RBPJ: variants seen among roughly 807,000 people sequenced by gnomAD.
RBPJ encodes the protein recombination signal binding protein for immunoglobulin kappa J region.
A neutral mutation model predicts 67.8 loss-of-function variants in RBPJ; 9 were observed. The ratio of observed to expected loss-of-function variants is 0.13; its 90% CI spans 0.08 to 0.23. The LOEUF (loss-of-function observed/expected upper bound fraction) is 0.23. RBPJ is among the 10% of genes least tolerant of loss of function. RBPJ has a pLI of 1.00. For missense variants in RBPJ, 305 were observed against 595.6 expected (o/e 0.51, Z 5.08); for synonymous variants, 198 against 203.3 (o/e 0.97, Z 0.22).
chr4:26,130,046 G>A, the RBPJ span, among the ~76,000 whole-genome samples: 1 of 152,006 alleles, frequency 6.6e-6, no homozygotes, highest in East Asian at 1.9e-4. Context: ...GTTTTTAGTA[G>A]AGACAGGGTT....
intron 7 of RBPJ, 46 bp from the exon 8 acceptor site, chr4:26,428,674 C>G: frequency 1.3e-6 from 2 of 1,489,274 alleles, no homozygotes; most frequent in Non-Finnish European, 1.9e-6. Context: ...AAGGAAAATC[C>G]TTTCCATGTG....
the RBPJ span, among the ~76,000 whole-genome samples, chr4:26,142,208 T>C: frequency 9.2e-5 from 14 of 152,340 alleles, no homozygotes; most frequent in African/African-American, 3.4e-4. Flanking sequence ...TTGAATCTTC[T>C]GTTCATCTGG....
Position 26,370,454 on chromosome 4 carries a change from G to A in RBPJ, c.21-15899G>A, listed in dbSNP as rs941319438. On this transcript the variant is annotated intron_variant, in intron 1 of 10. Transcript: ENST00000355476. ...TACTATAGTAAAGAATTGCCTGGGT[G>A]TAATTGCTGGAGATCTGAACATGGT... 4.6e-5 allele frequency among the ~76,000 whole-genome samples: 7 copies of A among 152,144 alleles called. No homozygotes were observed. In the South Asian group the frequency reaches 1.5e-3, roughly 32 times the overall value.
intron 1 of RBPJ, among the ~76,000 whole-genome samples, chr4:26,171,300 TCACTGTAC>T (rs1364920855): frequency 6.6e-6 from 1 of 152,178 alleles, no homozygotes; most frequent in African/African-American, 2.4e-5. Context: ...CATAGACATG[TCACTGTAC>T]AGTATACAAG....
the RBPJ span, among the ~76,000 whole-genome samples, chr4:26,148,110 C>T: frequency 6.6e-6 from 1 of 152,134 alleles, no homozygotes; most frequent in East Asian, 1.9e-4. Context: ...TGGAAGTAGT[C>T]TATAGGACTT....
intron 1 of RBPJ, among the ~76,000 whole-genome samples, chr4:26,384,272 T>G (rs1730593737): frequency 6.6e-6 from 1 of 152,242 alleles, no homozygotes; most frequent in Admixed American, 6.5e-5. Flanking sequence ...AAAGCCATTT[T>G]TCAATATTTT....
intron 1 of RBPJ, among the ~76,000 whole-genome samples, chr4:26,324,401 AGTGTGTGT>A (rs56655194): frequency 3.8e-4 from 57 of 150,080 alleles, no homozygotes; most frequent in African/African-American, 1.3e-3. Context: ...GTCGTGTGTG[AGTGTGTGT>A]GTGTGTGTGT....
At chr4:26,243,689 T>C (rs1719724483) in intron 1 of RBPJ, among the ~76,000 whole-genome samples, 1 of 152,232 alleles carries the variant, frequency 6.6e-6, no homozygotes, top group East Asian at 1.9e-4. Flanking sequence ...TTCATCATTA[T>C]GGTTTCAGAT....
At chr4:26,393,837 C>T (rs1485446311) in intron 2 of RBPJ, among the ~76,000 whole-genome samples, 2 of 150,474 alleles carry the variant, frequency 1.3e-5, no homozygotes, top group Non-Finnish European at 3.0e-5. Flanking sequence ...AGATTTTATT[C>T]CTTAAAAAAA....
exon 1 of RBPJ, chr4:26,163,494 G>C (rs1488698018): frequency 6.6e-6 from 1 of 151,874 alleles, no homozygotes; most frequent in Admixed American, 6.6e-5. Flanking sequence ...GCCAGGCAAA[G>C]TGGCCACCAG....
At chr4:26,362,666 G>C in intron 1 of RBPJ, 1 of 1,534,856 alleles carries the variant, frequency 6.5e-7, no homozygotes, top group Non-Finnish European at 9.0e-7. Flanking sequence ...CCAAGGTCAT[G>C]GATAGAATGA....
intron 1 of RBPJ, among the ~76,000 whole-genome samples, chr4:26,327,740 G>A (rs1335730126): frequency 6.6e-6 from 1 of 152,020 alleles, no homozygotes; most frequent in Non-Finnish European, 1.5e-5. Context: ...AGCACTTTGG[G>A]AGGCTGAGGT....
intron 1 of RBPJ, among the ~76,000 whole-genome samples, chr4:26,210,700 T>TTTCTTTCTTTTTTTCTTTCCTTCTTTCC (rs1348512062): frequency 1.7e-5 from 1 of 59,850 alleles, no homozygotes; most frequent in African/African-American, 6.2e-5. Context: ...TCTTTCTTTC[T>TTTCTTTCTTTTTTTCTTTCCTTCTTTCC]TTCTTTCCTT....
chr4:26,192,405 G>A (rs1345698795), intron 1 of RBPJ, among the ~76,000 whole-genome samples: 3 of 152,106 alleles, frequency 2.0e-5, no homozygotes, highest in Admixed American at 2.0e-4. Context: ...CTAAGTATTT[G>A]TCCTGCACAC....
At chr4:26,244,305 A>G (rs376175477) in intron 1 of RBPJ, among the ~76,000 whole-genome samples, 9 of 5,278 alleles carry the variant, frequency 1.7e-3, no homozygotes, top group South Asian at 5.5e-3. Context: ...ATATGTGTAC[A>G]CATATGTGTG....
At chr4:26,258,580 T>C (rs1720421767) in intron 1 of RBPJ, among the ~76,000 whole-genome samples, 1 of 152,124 alleles carries the variant, frequency 6.6e-6, no homozygotes, top group South Asian at 2.1e-4. Context: ...CTTCAAAAAG[T>C]TCATAGAAAA....
chr4:26,386,678 C>T (rs770557944), intron 2 of RBPJ, among the ~76,000 whole-genome samples: 4 of 152,162 alleles, frequency 2.6e-5, no homozygotes, highest in Non-Finnish European at 5.9e-5. Context: ...CTTTCTATAT[C>T]TAGCTATGGT....
upstream of RBPJ, chr4:26,320,936 T>C (rs1392193726): frequency 3.2e-5 from 47 of 1,488,602 alleles, no homozygotes; most frequent in Non-Finnish European, 3.8e-5. Flanking sequence ...AATCGAGGAG[T>C]GAGGAAAAAG....
At position 26,386,337 on chromosome 4, in the gene RBPJ, A is replaced by AT. The variant is rs56122711; in HGVS notation, c.21-5dup. The AT allele has an allele frequency of 2.7e-3, 3,795 of 1,414,654 alleles. No homozygotes were observed. The highest frequency in any genetic ancestry group is 3.0e-3 in the South Asian group (232 of 77,446). 87.6% of individuals were successfully genotyped at this position (1,414,654 alleles called of 1,614,324 possible). On this transcript the variant is annotated splice_polypyrimidine_tract_variant and intron_variant, in intron 1 of 10. Coordinates refer to ENST00000355476, the MANE Select transcript of RBPJ (RefSeq NM_015874.6). The stretch of plus-strand genomic sequence containing the variant: ...AAGCTTACTTAACTTTATTTTCTTT[A>AT]TTTTTTTTTTTCCAGGAAATTTGGT...
Sources: gnomAD v4.1 joint callset for allele counts (sites outside exome capture counted in the v4.1 genomes callset) on GRCh38, gnomAD v4.1.1 for gene constraint, MANE v1.5 for transcripts, NCBI Gene and HGNC (gene_info 2026-07-23, HGNC 2026-07-21) for gene names.